The following TH variants were observed in gnomAD, a reference collection of about 807,000 sequenced individuals.
TH encodes the protein tyrosine hydroxylase, also known as tyrosine 3-monooxygenase.
Under a neutral mutation model 57.4 loss-of-function variants are expected in TH, and 49 were observed. The ratio of observed to expected loss-of-function variants is 0.85; its 90% CI spans 0.68 to 1.08. TH has a LOEUF of 1.08. Ranked by LOEUF, TH falls within the 50% of genes least tolerant of loss-of-function variation. The probability of loss-of-function intolerance (pLI) is 0.00; values close to 1 mark genes in which losing one functional copy is unlikely to be tolerated. For synonymous variants in TH, 330 were observed against 304.5 expected, an observed-to-expected ratio of 1.08 and a Z score of -0.87; for missense variants, 720 against 696.7, an observed-to-expected ratio of 1.03 and a Z score of -0.38.
rs760640869 is a variant in TH at position 2,169,681 on chromosome 11, G to T, written c.281C>A (p.Ser94Ter). The T allele has an allele frequency of 6.2e-7, 1 of 1,613,392 alleles. No individual in the cohort carries two copies. The highest frequency in any genetic ancestry group is 2.2e-5 in the East Asian group (1 of 44,838). ...CACCTTCACAGCTCGGGACAGCGCCGAGGGCTTGGTGGCCCTCGGGGAGAA... is the reference window on the plus strand; with the variant it reads ...CACCTTCACAGCTCGGGACAGCGCCTAGGGCTTGGTGGCCCTCGGGGAGAA... ...LLFSPRATKP[S>*]ALSRAVKVFE... The change falls in exon 2 of 13, where the codon TCG (serine) becomes TAG (stop). Residue 94 changes from serine (S) to a stop codon, truncating the protein, a stop_gained. Transcript: ENST00000352909. LOFTEE classifies it high-confidence loss of function.
chr11:2,169,590 G>T, intron 2 of TH, 60 bp downstream of exon 2: 1 of 1,556,106 alleles, frequency 6.4e-7, no homozygotes, highest in Non-Finnish European at 8.9e-7. Context: ...CAGGAACTCA[G>T]CCCACACAGC....
intron 9 of TH, 51 bp downstream of exon 9, chr11:2,166,429 C>G (rs2133692060): frequency 6.5e-7 from 1 of 1,528,604 alleles, no homozygotes; most frequent in Non-Finnish European, 8.8e-7. Flanking sequence ...CCGCCCCCGG[C>G]GCCAAGCCAG....
chr11:2,167,721 G>A (rs1846137741), intron 5 of TH, 145 bp downstream of exon 5: 1 of 1,195,982 alleles, frequency 8.4e-7, no homozygotes, highest in Non-Finnish European at 1.2e-6. Flanking sequence ...TGGGGACATG[G>A]AAAGCCCTGG....
At chr11:2,167,338 G>C (rs1564918483) in intron 6 of TH, 97 bp downstream of exon 6, 9 of 1,393,374 alleles carry the variant, frequency 6.5e-6, no homozygotes, top group South Asian at 1.2e-5. Context: ...AGTCTCTCCT[G>C]TTGTGCCAAG....
Position 2,170,633 on chromosome 11 carries a change from G to A in TH, c.91-762C>T, listed in dbSNP as rs968301811. The A allele has an allele frequency of 7.1e-7, 1 of 1,415,510 alleles. No homozygotes were observed. Among genetic ancestry groups the A allele is most frequent in the Non-Finnish European group, 9.8e-7 (1 of 1,017,066 alleles). The allele number at this position is 1,415,510 out of a possible 1,614,324, so 87.7% of individuals were successfully genotyped here. On this transcript the variant is annotated intron_variant, in intron 1 of 12. Coordinates refer to ENST00000352909, the MANE Select transcript of TH (RefSeq NM_000360.4). The surrounding 1 kb of genome is among the most constrained non-coding windows in gnomAD (Gnocchi z 6.0). ...ATCAGCTTCATCCTGAGCTTCCAGG[G>A]TTGTGGAACATGAAGGGGAGCAGCA...
In TH at chr11:2,164,329, G is replaced by A. The variant is rs118175546; in HGVS notation, c.1398C>T (p.Ile466=). ...SVKFDPYTLA[I]DVLDSPQAVR... is the part of the protein sequence containing the mutation. The stretch of plus-strand genomic sequence containing the variant: ...CGGCCTGGGGGCTGTCCAGCACGTC[G>A]ATGGCCAGCGTGTACGGGTCGAACT... Residue 466 remains isoleucine (I), a synonymous_variant, in exon 13 of 13, where the codon ATC becomes ATT. Coordinates refer to ENST00000352909, the MANE Select transcript of TH (RefSeq NM_000360.4). The A allele has an allele frequency of 5.3e-4, 816 of 1,540,210 alleles. No homozygotes were observed. Among genetic ancestry groups the A allele is most frequent in the Non-Finnish European group, 6.4e-4 (732 of 1,139,910 alleles).
Position 2,166,513 on chromosome 11 carries a change from C to A in TH, c.1014G>T (p.Met338Ile), listed in dbSNP as rs761747511. ...ACTGCGCGAAGGTGCGGTCGGCCAG[C>A]ATGGGCACGTGCCCCAGCAGCTCGT... is the stretch of plus-strand genomic sequence containing the variant. ...CCHELLGHVPMLADRTFAQFS... is the reference protein window; with the variant it reads ...CCHELLGHVPILADRTFAQFS... The change falls in exon 9 of 13, where the codon ATG (methionine) becomes ATT (isoleucine). Residue 338 changes from methionine (M) to isoleucine (I), a missense_variant. Physicochemically the swap from Met to Ile is conservative, Grantham distance 10. Transcript: ENST00000352909. 1 of 1,600,422 alleles carries A rather than the reference C, an allele frequency of 6.2e-7. No individual in the cohort carries two copies. Among genetic ancestry groups the A allele is most frequent in the Non-Finnish European group, 8.5e-7 (1 of 1,177,170 alleles).
intron 11 of TH, 71 bp downstream of exon 11, chr11:2,165,597 C>A (rs757079579): frequency 1.1e-5 from 17 of 1,512,966 alleles, no homozygotes; most frequent in Non-Finnish European, 1.4e-5. Flanking sequence ...CCACTGGGAG[C>A]CTGTCCCCTC....
intron 2 of TH, 169 bp from the exon 3 acceptor site, chr11:2,168,834 C>T (rs375753423): frequency 2.1e-5 from 18 of 867,566 alleles, no homozygotes; most frequent in East Asian, 2.6e-5. Context: ...GGTCAGCTGT[C>T]GGCCACCAGG....
chr11:2,169,061 C>T (rs537605314), intron 2 of TH, among the ~76,000 whole-genome samples: 410 of 152,288 alleles, frequency 2.7e-3, no homozygotes, highest in Middle Eastern at 3.4e-3. Context: ...GGCCCCTGAG[C>T]GTCCAGGACA....
chr11:2,165,667 C>G lies in TH; in HGVS notation c.1200+1G>C. On this transcript the variant is annotated splice_donor_variant, in intron 11 of 12. Transcript: ENST00000352909. LOFTEE classifies it high-confidence loss of function. ...GGGCTGCAGCAAGGAGAGACTCTCACCAGGAGCTCCCCGTAGGAGGACAGC... is the reference window on the plus strand; with the variant it reads ...GGGCTGCAGCAAGGAGAGACTCTCAGCAGGAGCTCCCCGTAGGAGGACAGC... The G allele has an allele frequency of 6.2e-7, 1 of 1,612,626 alleles. No homozygotes were observed. The highest frequency in any genetic ancestry group is 8.5e-7 in the Non-Finnish European group (1 of 1,179,874).
rs1353856728 is a variant in TH, at chr11:2,169,664, C to T, written c.298G>A (p.Val100Met). The T allele has an allele frequency of 4.3e-6, 7 of 1,613,526 alleles. No homozygotes were observed. The highest frequency in any genetic ancestry group is 1.3e-5 in the African/African-American group (1 of 74,928). ...CACCAGCTCACCTCAAACACCTTCACAGCTCGGGACAGCGCCGAGGGCTTG... is the reference window on the plus strand; with the variant it reads ...CACCAGCTCACCTCAAACACCTTCATAGCTCGGGACAGCGCCGAGGGCTTG... ...ATKPSALSRA[V>M]KVFETFEAKI... The change falls in exon 2 of 13, where the codon GTG (valine) becomes ATG (methionine). Residue 100 changes from valine to methionine, a missense_variant. Coordinates refer to ENST00000352909, the MANE Select transcript of TH (RefSeq NM_000360.4).
intron 11 of TH, 46 bp from the exon 12 acceptor site, chr11:2,165,411 C>T (rs1201563326): frequency 1.2e-6 from 2 of 1,603,164 alleles, no homozygotes; most frequent in Admixed American, 1.7e-5. Context: ...CACCCAGGTC[C>T]CCGAGGGAAC....
intron 6 of TH, 40 bp downstream of exon 6, chr11:2,167,395 C>A: frequency 6.5e-7 from 1 of 1,549,970 alleles, no homozygotes; most frequent in East Asian, 2.4e-5. Flanking sequence ...GAGGCATCCC[C>A]CGGGCTCCTC....
Position 2,170,611 on chromosome 11 carries a change from A to G in TH, c.91-740T>C. 7.9e-7 allele frequency: 1 copy of G among 1,258,448 alleles called. No individual in the cohort carries two copies. Among genetic ancestry groups the G allele is most frequent in the Non-Finnish European group, 1.1e-6 (1 of 878,998 alleles). The allele number at this position is 1,258,448 out of a possible 1,614,324, so 78.0% of individuals were successfully genotyped here. A position where few individuals can be genotyped will look rare whatever the true frequency, so the allele number is the denominator to read the frequency against. On this transcript the variant is annotated intron_variant, in intron 1 of 12. Transcript: ENST00000352909. The surrounding 1 kb of genome is among the most constrained non-coding windows in gnomAD (Gnocchi z 6.0). ...CTGGGCCCCTTGTAAGAGAAGAATC[A>G]GCTTCATCCTGAGCTTCCAGGGTTG...
At position 2,170,745 on chromosome 11, in the gene TH, C is replaced by G. The variant is rs1846230694; in HGVS notation, c.91-874G>C. 3 of 1,559,714 alleles carry G rather than the reference C, an allele frequency of 1.9e-6. No individual in the cohort carries two copies. The South Asian group carries it at 3.4e-5, about 18-fold the overall frequency. On this transcript the variant is annotated intron_variant, in intron 1 of 12. Transcript: ENST00000352909. The surrounding 1 kb of genome is among the most constrained non-coding windows in gnomAD (Gnocchi z 6.0). ...GGCTGCAGTTCCAGGCCACGGAGAG[C>G]CTGTGAGGCTGGGCCCCGGGGCGCC...
At chr11:2,166,299 G>C in intron 9 of TH, 181 bp downstream of exon 9, 1 of 951,990 alleles carries the variant, frequency 1.1e-6, no homozygotes, top group African/African-American at 1.6e-5. Context: ...TGGCAGCACA[G>C]GCCGTGGGAG....
rs1846212065 is a variant in TH at position 2,170,078 on chromosome 11, C to A, written c.91-207G>T. On this transcript the variant is annotated intron_variant, in intron 1 of 12. Transcript: ENST00000352909. This position sits in a 1 kb window ranked among gnomAD's most constrained non-coding sequence, Gnocchi z 6.0. ...GCACGCCCTTCCCGATGGGGGCAGC[C>A]CAGTCAGAAGCAGTGGTGGTGGGGG... Among the ~76,000 whole-genome samples the A allele has an allele frequency of 6.6e-6, 1 of 152,290 alleles. No individual in the cohort carries two copies. The highest frequency in any genetic ancestry group is 2.1e-4 in the South Asian group (1 of 4,828).
chr11:2,171,771 C>T lies in TH; in HGVS notation c.16G>A (p.Ala6Thr), dbSNP rs74555599. The T allele has an allele frequency of 4.8e-3, 7,810 of 1,612,174 alleles. 30 individuals carry two copies. The highest frequency in any genetic ancestry group is 5.5e-3 in the Non-Finnish European group (6,517 of 1,179,772). The change falls in exon 1 of 13, where the codon GCC (alanine) becomes ACC (threonine). Residue 6 changes from alanine (A) to threonine (T), a missense_variant. Transcript: ENST00000352909. This position sits in a 1 kb window ranked among gnomAD's most constrained non-coding sequence, Gnocchi z 8.6. MPTPDATTPQAKGFRR... is the reference protein window; with the variant it reads MPTPDTTTPQAKGFRR... Reference sequence around the variant, plus strand: ...AAGCCCTTGGCCTGTGGCGTGGTGGCGTCGGGGGTGGGCATGGCTCAGTGT... The same window carrying T: ...AAGCCCTTGGCCTGTGGCGTGGTGGTGTCGGGGGTGGGCATGGCTCAGTGT...
Sources: gnomAD v4.1 joint callset for allele counts (sites outside exome capture counted in the v4.1 genomes callset) on GRCh38, gnomAD v4.1.1 for gene constraint, Gnocchi (gnomAD v3.1) non-coding constraint, MANE v1.5 for transcripts, NCBI Gene and HGNC (gene_info 2026-07-23, HGNC 2026-07-21) for gene names.